Variants in CCSER1 observed in about 807,000 individuals in gnomAD.
CCSER1 encodes the protein coiled-coil serine rich protein 1.
A neutral mutation model predicts 82.0 loss-of-function variants in CCSER1; 41 were observed. The observed-to-expected ratio is 0.50, with a 90% CI of 0.39 to 0.65. The LOEUF (loss-of-function observed/expected upper bound fraction) is 0.65, where lower values mean the gene tolerates loss of function less well. Ranked by LOEUF, CCSER1 falls within the 30% of genes least tolerant of loss-of-function variation. The probability of loss-of-function intolerance (pLI) is 0.00; values close to 1 mark genes in which losing one functional copy is unlikely to be tolerated. For missense variants in CCSER1, 1,119 were observed against 1,064.2 expected, an observed-to-expected ratio of 1.05 and a Z score of -0.72; for synonymous variants, 414 against 383.9, an observed-to-expected ratio of 1.08 and a Z score of -0.92.
chr4:90,396,552 CT>C (rs1469557669), intron 3 of CCSER1, among the ~76,000 whole-genome samples: 49 of 152,018 alleles, frequency 3.2e-4, no homozygotes, highest in Admixed American at 2.6e-3. Context: ...TTAGTAGTAC[CT>C]TTTTATATCC....
chr4:90,911,853 G>T (rs1726433645), intron 8 of CCSER1, among the ~76,000 whole-genome samples: 1 of 152,150 alleles, frequency 6.6e-6, no homozygotes, highest in Admixed American at 6.5e-5. Flanking sequence ...GGCTCAGAGG[G>T]TCCTACACCC....
intron 6 of CCSER1, among the ~76,000 whole-genome samples, chr4:90,635,667 C>CA (rs1435912675): frequency 1.3e-5 from 2 of 151,224 alleles, no homozygotes; most frequent in Admixed American, 1.3e-4. Context: ...TTAATGGATA[C>CA]AAAAAAACAG....
At chr4:90,658,546 A>G (rs2149083390) in intron 6 of CCSER1, among the ~76,000 whole-genome samples, 1 of 152,288 alleles carries the variant, frequency 6.6e-6, no homozygotes, top group South Asian at 2.1e-4. Flanking sequence ...AACTTCTCAG[A>G]TTTTGCTGTC....
At chr4:91,465,170 G>T (rs36191828) in intron 10 of CCSER1, among the ~76,000 whole-genome samples, 31,130 of 152,104 alleles carry the variant, frequency 0.2, 4,161 homozygotes, top group East Asian at 0.54. Context: ...AGATGACAGT[G>T]CAATGAAACT....
At chr4:91,027,438 G>A (rs1020765176) in intron 9 of CCSER1, among the ~76,000 whole-genome samples, 3 of 151,402 alleles carry the variant, frequency 2.0e-5, no homozygotes, top group Admixed American at 1.3e-4. Flanking sequence ...TGCATATGCA[G>A]AATAAAATGC....
intron 10 of CCSER1, among the ~76,000 whole-genome samples, chr4:91,179,571 C>G (rs1038298013): frequency 1.3e-5 from 2 of 152,204 alleles, no homozygotes; most frequent in African/African-American, 4.8e-5. Context: ...TTCATTGATA[C>G]ACTTTCTTCC....
intron 10 of CCSER1, among the ~76,000 whole-genome samples, chr4:91,233,816 C>T (rs915889481): frequency 6.6e-6 from 1 of 151,350 alleles, no homozygotes; most frequent in East Asian, 1.9e-4. Context: ...TTTTTTTAAC[C>T]TTCCTTTATA....
At chr4:91,350,950 AATTT>A (rs979666507) in intron 10 of CCSER1, among the ~76,000 whole-genome samples, 3 of 152,000 alleles carry the variant, frequency 2.0e-5, no homozygotes, top group Non-Finnish European at 2.9e-5. Flanking sequence ...CCCAATAAAA[AATTT>A]ATTTATGAAA....
intron 6 of CCSER1, among the ~76,000 whole-genome samples, chr4:90,660,020 A>C (rs1187642346): frequency 6.6e-6 from 1 of 151,978 alleles, no homozygotes; most frequent in Non-Finnish European, 1.5e-5. Context: ...TAAAAAAAAA[A>C]AACCTTAAAT....
intron 3 of CCSER1, among the ~76,000 whole-genome samples, chr4:90,319,725 C>A (rs1736793741): frequency 1.3e-5 from 2 of 152,122 alleles, no homozygotes; most frequent in South Asian, 4.1e-4. Context: ...ATGAGACTTT[C>A]CAGTATGTAA....
chr4:90,396,684 C>A (rs1437847948), intron 3 of CCSER1, among the ~76,000 whole-genome samples: 1 of 151,986 alleles, frequency 6.6e-6, no homozygotes, highest in Non-Finnish European at 1.5e-5. Flanking sequence ...GAGAAGCCAT[C>A]TAAGTTGCTT....
rs549652669 is a variant in CCSER1 at position 91,353,737 on chromosome 4, C to T, written c.2218-244835C>T. ...GAAGCATTTTGGTGAACTAAGGTAGCGATGAAGTTTTTTTATCATTTGGAG... is the reference window on the plus strand; with the variant it reads ...GAAGCATTTTGGTGAACTAAGGTAGTGATGAAGTTTTTTTATCATTTGGAG... On this transcript the variant is annotated intron_variant, in intron 10 of 10. Coordinates refer to ENST00000509176, the MANE Select transcript of CCSER1 (RefSeq NM_001145065.2). Among the ~76,000 whole-genome samples the T allele has an allele frequency of 2.0e-4, 31 of 151,838 alleles. No individual in the cohort carries two copies. In the East Asian group the frequency reaches 3.5e-3, roughly 17 times the overall value.
intron 5 of CCSER1, among the ~76,000 whole-genome samples, chr4:90,481,794 G>T (rs1198931629): frequency 2.0e-5 from 3 of 152,100 alleles, no homozygotes; most frequent in African/African-American, 7.2e-5. Context: ...GAGGATTTTT[G>T]CATTAATGTT....
At chr4:90,187,712 G>A (rs1245215309) in intron 1 of CCSER1, among the ~76,000 whole-genome samples, 1 of 151,780 alleles carries the variant, frequency 6.6e-6, no homozygotes, top group African/African-American at 2.4e-5. Flanking sequence ...GTCTCACTTT[G>A]CTTTGAGGGA....
chr4:91,358,390 CGTTG>C (rs760045354), intron 10 of CCSER1, among the ~76,000 whole-genome samples: 2 of 67,664 alleles, frequency 3.0e-5, no homozygotes, highest in African/African-American at 6.9e-5. Context: ...GCCTGACCCA[CGTTG>C]TTTTTTTTTT....
At chr4:91,019,150 G>A (rs895942462) in intron 9 of CCSER1, among the ~76,000 whole-genome samples, 7 of 150,470 alleles carry the variant, frequency 4.7e-5, no homozygotes, top group African/African-American at 1.7e-4. Flanking sequence ...ATTTTTTCTC[G>A]GTGTGCTGTT....
intron 3 of CCSER1, among the ~76,000 whole-genome samples, chr4:90,343,472 C>T (rs780785701): frequency 1.3e-5 from 2 of 152,062 alleles, no homozygotes; most frequent in Non-Finnish European, 2.9e-5. Flanking sequence ...CAAAAATTAG[C>T]TGGGTGGTAG....
chr4:90,226,504 G>A (rs1311549081), intron 1 of CCSER1, among the ~76,000 whole-genome samples: 2 of 152,214 alleles, frequency 1.3e-5, no homozygotes, highest in Non-Finnish European at 2.9e-5. Context: ...TGAAGATGCA[G>A]TTGGTATAAG....
chr4:90,434,254 T>C (rs1415713081), intron 4 of CCSER1, among the ~76,000 whole-genome samples: 1 of 152,196 alleles, frequency 6.6e-6, no homozygotes, highest in Admixed American at 6.5e-5. Context: ...TGATATTTTA[T>C]TTTCAGATGA....
Sources: allele counts gnomAD v4.1 joint callset (sites outside exome capture counted in the v4.1 genomes callset), GRCh38; gene constraint gnomAD v4.1.1; transcripts MANE v1.5; gene names NCBI Gene and HGNC (gene_info 2026-07-23, HGNC 2026-07-21).